Variants in ZNF385B observed in about 807,000 individuals in gnomAD.
ZNF385B encodes the protein zinc finger protein 385B, also known as zinc finger protein 533.
A neutral mutation model predicts 39.2 loss-of-function variants in ZNF385B; 23 were observed. The ratio of observed to expected loss-of-function variants is 0.59; its 90% CI spans 0.42 to 0.83. The LOEUF (loss-of-function observed/expected upper bound fraction) is 0.83. ZNF385B is among the 40% of genes least tolerant of loss of function. The probability of loss-of-function intolerance (pLI) is 0.00; values close to 1 mark genes in which losing one functional copy is unlikely to be tolerated. For missense variants in ZNF385B, 552 were observed against 598.9 expected, an observed-to-expected ratio of 0.92 and a Z score of 0.82; for synonymous variants, 205 against 222.6, an observed-to-expected ratio of 0.92 and a Z score of 0.70.
intron 3 of ZNF385B, among the ~76,000 whole-genome samples, chr2:179,729,300 T>C (rs965254623): frequency 6.6e-6 from 1 of 152,272 alleles, no homozygotes; most frequent in African/African-American, 2.4e-5. Context: ...TCAACAGAAC[T>C]TTCCTGGTGA....
intron 6 of ZNF385B, among the ~76,000 whole-genome samples, chr2:179,481,774 C>T (rs991257808): frequency 6.6e-6 from 1 of 152,154 alleles, no homozygotes; most frequent in Non-Finnish European, 1.5e-5. Flanking sequence ...TGATATCCTG[C>T]ATTAAACGAA....
chr2:179,848,649 C>G (rs1475588348), intron 1 of ZNF385B, among the ~76,000 whole-genome samples: 1 of 152,194 alleles, frequency 6.6e-6, no homozygotes, highest in Non-Finnish European at 1.5e-5. Context: ...AGAGTCTCCT[C>G]AGTAACATTT....
intron 3 of ZNF385B, among the ~76,000 whole-genome samples, chr2:179,566,799 C>T (rs1407958500): frequency 5.3e-5 from 8 of 152,060 alleles, no homozygotes; most frequent in African/African-American, 1.9e-4. Context: ...CATCCGAATC[C>T]CCCTGACAAA....
At chr2:179,653,745 A>G (rs1239920563) in intron 3 of ZNF385B, among the ~76,000 whole-genome samples, 1 of 152,170 alleles carries the variant, frequency 6.6e-6, no homozygotes, top group East Asian at 1.9e-4. Context: ...AAGGCCTGAG[A>G]CAGTTGTAAA....
chr2:179,674,596 C>T (rs6741460), intron 3 of ZNF385B, among the ~76,000 whole-genome samples: 238 of 152,276 alleles, frequency 1.6e-3, no homozygotes, highest in African/African-American at 5.4e-3. Flanking sequence ...AATTTATCAG[C>T]TTCAACAATT....
rs1559310994 is a variant in ZNF385B, at chr2:179,483,329, T to C, written c.658A>G (p.Lys220Glu). 2 of 1,613,864 alleles carry C rather than the reference T, an allele frequency of 1.2e-6. No homozygotes were observed. The highest frequency in any genetic ancestry group is 1.7e-5 in the Admixed American group (1 of 59,954). Residue 220 changes from lysine to glutamate, a missense_variant, in exon 6 of 10, where the codon AAG becomes GAG. Coordinates refer to ENST00000410066, the MANE Select transcript of ZNF385B (RefSeq NM_152520.6). The part of the protein sequence containing the change: ...PKMVPSKDSA[K>E]ANPSCSITPI... ...GTGATGGAGCAGCTGGGATTAGCCT[T>C]TGCGCTGTCCTTGGAAGGAACCATT...
At chr2:179,653,147 G>A (rs893349230) in intron 3 of ZNF385B, among the ~76,000 whole-genome samples, 1 of 152,136 alleles carries the variant, frequency 6.6e-6, no homozygotes, top group Non-Finnish European at 1.5e-5. Context: ...CTATAGACAG[G>A]TTCATGGCTG....
intron 3 of ZNF385B, among the ~76,000 whole-genome samples, chr2:179,614,592 A>G (rs1295916195): frequency 1.3e-5 from 2 of 152,236 alleles, no homozygotes; most frequent in Non-Finnish European, 2.9e-5. Context: ...GGTAAAGCCA[A>G]AAGCCAATAA....
intron 3 of ZNF385B, among the ~76,000 whole-genome samples, chr2:179,568,352 C>T (rs1684829762): frequency 6.6e-6 from 1 of 152,172 alleles, no homozygotes; most frequent in Non-Finnish European, 1.5e-5. Flanking sequence ...TTTACTTGTT[C>T]ATTATCTCCT....
intron 3 of ZNF385B, among the ~76,000 whole-genome samples, chr2:179,596,705 A>G (rs1210117238): frequency 2.0e-5 from 3 of 152,122 alleles, no homozygotes; most frequent in Non-Finnish European, 4.4e-5. Flanking sequence ...TCTTTTTCCT[A>G]TGCCACACTT....
chr2:179,698,561 G>T (rs1698940376), intron 3 of ZNF385B, among the ~76,000 whole-genome samples: 1 of 152,086 alleles, frequency 6.6e-6, no homozygotes, highest in Non-Finnish European at 1.5e-5. Flanking sequence ...AAAGAATTGT[G>T]TAATATATTA....
intron 3 of ZNF385B, among the ~76,000 whole-genome samples, chr2:179,765,173 C>A (rs747366381): frequency 6.6e-5 from 10 of 152,158 alleles, no homozygotes; most frequent in Non-Finnish European, 1.0e-4. Flanking sequence ...TTATTATGTA[C>A]CATATTTCTA....
chr2:179,694,990 A>AGG (rs1559098881), intron 3 of ZNF385B, among the ~76,000 whole-genome samples: 1 of 147,502 alleles, frequency 6.8e-6, no homozygotes. Flanking sequence ...GGAGGAGGAG[A>AGG]AGAAAAAGAA....
chr2:179,491,977 G>A (rs2055283616), intron 5 of ZNF385B, among the ~76,000 whole-genome samples: 1 of 152,016 alleles, frequency 6.6e-6, no homozygotes, highest in African/African-American at 2.4e-5. Flanking sequence ...CTGAGATTCA[G>A]GTGTGCAACA....
intron 1 of ZNF385B, among the ~76,000 whole-genome samples, chr2:179,799,493 A>C (rs1195745952): frequency 5.3e-5 from 8 of 152,082 alleles, no homozygotes; most frequent in Non-Finnish European, 4.4e-5. Flanking sequence ...TGTAAAAAGC[A>C]TGTAAGTTAT....
At chr2:179,499,790 A>C (rs1373987599) in intron 5 of ZNF385B, among the ~76,000 whole-genome samples, 1 of 152,062 alleles carries the variant, frequency 6.6e-6, no homozygotes, top group East Asian at 1.9e-4. Flanking sequence ...TCCTAGCTAG[A>C]GTGATCAGAC....
At chr2:179,815,393 A>G (rs942723397) in intron 1 of ZNF385B, among the ~76,000 whole-genome samples, 4 of 152,190 alleles carry the variant, frequency 2.6e-5, no homozygotes, top group African/African-American at 9.7e-5. Context: ...GCATGAGGGA[A>G]GCTCATCAGC....
chr2:179,622,533 G>A (rs1282294289), intron 3 of ZNF385B, among the ~76,000 whole-genome samples: 1 of 152,208 alleles, frequency 6.6e-6, no homozygotes, highest in African/African-American at 2.4e-5. Flanking sequence ...AATGGCTTGG[G>A]AGGGCATCTT....
chr2:179,484,730 C>T (rs887893196), intron 5 of ZNF385B, among the ~76,000 whole-genome samples: 9 of 151,808 alleles, frequency 5.9e-5, no homozygotes, highest in East Asian at 1.9e-4. Context: ...GCTAAAACAG[C>T]GAAAGATGCA....
Sources: gnomAD v4.1 joint callset for allele counts (sites outside exome capture counted in the v4.1 genomes callset) on GRCh38, gnomAD v4.1.1 for gene constraint, MANE v1.5 for transcripts, NCBI Gene and HGNC (gene_info 2026-07-23, HGNC 2026-07-21) for gene names.